The following FSTL5 variants were observed in gnomAD, a reference collection of about 807,000 sequenced individuals.
FSTL5 encodes the protein follistatin like 5.
A neutral mutation model predicts 89.1 loss-of-function variants in FSTL5; 62 were observed. The observed-to-expected ratio is 0.70, with a 90% confidence interval of 0.57 to 0.86. FSTL5 has a LOEUF of 0.86. Among genes scored for constraint, FSTL5 ranks in the 40% least tolerant of loss-of-function variants. The probability of loss-of-function intolerance (pLI) is 0.00; values close to 1 mark genes in which losing one functional copy is unlikely to be tolerated. For missense variants in FSTL5, 1,057 were observed against 1,001.6 expected (o/e 1.06, Z -0.75); for synonymous variants, 383 against 346.2 (o/e 1.11, Z -1.18).
intron 6 of FSTL5, among the ~76,000 whole-genome samples, chr4:161,693,485 G>A (rs1289722478): frequency 2.0e-5 from 3 of 151,976 alleles, no homozygotes; most frequent in Non-Finnish European, 4.4e-5. Flanking sequence ...TATGATAACT[G>A]ACTCAATATA....
intron 8 of FSTL5, among the ~76,000 whole-genome samples, chr4:161,575,477 CAG>C (rs1302966869): frequency 2.0e-5 from 3 of 151,504 alleles, no homozygotes; most frequent in Middle Eastern, 3.4e-3. Flanking sequence ...TTTTGTGAGA[CAG>C]AGTCTCACTC....
Position 161,402,275 on chromosome 4 carries a change from T to G in FSTL5, c.1842-15826A>C, listed in dbSNP as rs143550010. On this transcript the variant is annotated intron_variant, in intron 15 of 15. Coordinates refer to ENST00000306100, the MANE Select transcript of FSTL5 (RefSeq NM_020116.5). The stretch of plus-strand genomic sequence containing the variant: ...TGTGTAAAACTTATTTTTAGAGTTA[T>G]TTCAAATAAAAATGAATGTTATCAC... Among the ~76,000 whole-genome samples, 954 of 152,318 alleles carry G rather than the reference T, an allele frequency of 6.3e-3. 6 individuals are homozygous for G. Among genetic ancestry groups the G allele is most frequent in the Non-Finnish European group, 8.9e-3 (602 of 68,022 alleles).
At chr4:161,542,771 A>C in intron 8 of FSTL5, 78 bp from the exon 9 acceptor site, 1 of 801,682 alleles carries the variant, frequency 1.2e-6, no homozygotes, top group Non-Finnish European at 1.8e-6. Flanking sequence ...AAATTGCAAT[A>C]AGATAAATAA....
intron 6 of FSTL5, among the ~76,000 whole-genome samples, chr4:161,665,691 A>G (rs983500734): frequency 1.3e-5 from 2 of 152,144 alleles, no homozygotes; most frequent in Admixed American, 6.5e-5. Flanking sequence ...CTGATCTTAG[A>G]ATTTTATAGA....
chr4:161,667,445 C>A (rs1440062974), intron 6 of FSTL5, among the ~76,000 whole-genome samples: 1 of 151,998 alleles, frequency 6.6e-6, no homozygotes, highest in African/African-American at 2.4e-5. Context: ...ATGCAGATAA[C>A]AGAATGACTT....
At chr4:161,679,833 A>G (rs1227652187) in intron 6 of FSTL5, among the ~76,000 whole-genome samples, 1 of 151,866 alleles carries the variant, frequency 6.6e-6, no homozygotes, top group Non-Finnish European at 1.5e-5. Flanking sequence ...TTTTTGAAAC[A>G]ATGAAGGGTC....
At chr4:161,454,863 A>T in intron 15 of FSTL5, 141 bp downstream of exon 15, 1 of 686,908 alleles carries the variant, frequency 1.5e-6, no homozygotes, top group Admixed American at 2.7e-5. Context: ...AAGGTTCAGT[A>T]AGCAGATATG....
intron 11 of FSTL5, among the ~76,000 whole-genome samples, chr4:161,504,487 T>C (rs1200976087): frequency 6.6e-6 from 1 of 151,778 alleles, no homozygotes; most frequent in African/African-American, 2.4e-5. Context: ...TGTTTTTTTT[T>C]TCCTTTTTCA....
intron 1 of FSTL5, among the ~76,000 whole-genome samples, chr4:162,162,228 T>C (rs1015611916): frequency 1.3e-5 from 2 of 152,152 alleles, no homozygotes; most frequent in African/African-American, 4.8e-5. Context: ...AAGCTAAACT[T>C]CATCCTAGTA....
At chr4:161,577,262 G>T (rs577073082) in intron 8 of FSTL5, among the ~76,000 whole-genome samples, 3 of 151,998 alleles carry the variant, frequency 2.0e-5, no homozygotes, top group African/African-American at 7.2e-5. Flanking sequence ...TTACAAATGA[G>T]GGTCTTAGGA....
At chr4:161,479,691 A>T (rs1295009923) in intron 13 of FSTL5, among the ~76,000 whole-genome samples, 1 of 152,174 alleles carries the variant, frequency 6.6e-6, no homozygotes, top group Non-Finnish European at 1.5e-5. Context: ...TTCATAAAAA[A>T]TGTGTAACCT....
intron 4 of FSTL5, among the ~76,000 whole-genome samples, chr4:161,823,469 A>G (rs1159149100): frequency 6.6e-6 from 1 of 152,222 alleles, no homozygotes. Flanking sequence ...CCAGGTTACA[A>G]CAACAGCCAG....
chr4:161,789,506 C>T (rs553223459), intron 4 of FSTL5, among the ~76,000 whole-genome samples: 11 of 152,236 alleles, frequency 7.2e-5, no homozygotes, highest in Admixed American at 6.5e-4. Context: ...ACTTTTCTCT[C>T]CCTCACTCCA....
At chr4:161,785,687 T>C (rs781102837) in intron 4 of FSTL5, among the ~76,000 whole-genome samples, 1 of 152,196 alleles carries the variant, frequency 6.6e-6, no homozygotes, top group Admixed American at 6.5e-5. Flanking sequence ...TCTACATTTA[T>C]AGGAATATAG....
chr4:161,650,951 T>C (rs1459151865), intron 7 of FSTL5, among the ~76,000 whole-genome samples: 3 of 152,130 alleles, frequency 2.0e-5, no homozygotes, highest in African/African-American at 7.2e-5. Flanking sequence ...TCCTGACAAC[T>C]TTCTCGGTCA....
chr4:161,600,158 A>AACACAC (rs71598717), intron 7 of FSTL5, among the ~76,000 whole-genome samples: 7,592 of 141,946 alleles, frequency 0.053, 236 homozygotes, highest in East Asian at 0.14. Context: ...AATGTCAATA[A>AACACAC]ACACACACAC....
At chr4:161,717,982 T>C (rs1450855783) in intron 6 of FSTL5, among the ~76,000 whole-genome samples, 1 of 152,178 alleles carries the variant, frequency 6.6e-6, no homozygotes, top group Admixed American at 6.5e-5. Flanking sequence ...TTGTATGTTA[T>C]GGAGTCAAAA....
At chr4:162,093,510 GC>G (rs1311946035) in intron 2 of FSTL5, among the ~76,000 whole-genome samples, 1 of 152,242 alleles carries the variant, frequency 6.6e-6, no homozygotes, top group Non-Finnish European at 1.5e-5. Context: ...AGCCAATCCT[GC>G]TGGGATTAAG....
rs1168515009 is a variant in FSTL5, at chr4:161,542,525, A to T, written c.1177+7T>A. ...ATTTAAGAGAAAAAAAAGCAAGTAAAAAGCACCTTGAAGCGTGAGTTGTTT... is the reference window on the plus strand; with the variant it reads ...ATTTAAGAGAAAAAAAAGCAAGTAATAAGCACCTTGAAGCGTGAGTTGTTT... On this transcript the variant is annotated splice_region_variant and intron_variant, in intron 9 of 15. Transcript: ENST00000306100. 7.0e-7 allele frequency: 1 copy of T among 1,426,198 alleles called. No homozygotes were observed. The highest frequency in any genetic ancestry group is 1.5e-5 in the African/African-American group (1 of 68,466). 88.3% of individuals were successfully genotyped at this position (1,426,198 alleles called of 1,614,324 possible).
Sources: allele counts gnomAD v4.1 joint callset (sites outside exome capture counted in the v4.1 genomes callset), GRCh38; gene constraint gnomAD v4.1.1; transcripts MANE v1.5; gene names NCBI Gene and HGNC (gene_info 2026-07-23, HGNC 2026-07-21).